Variants in NDST4 observed in about 807,000 individuals in gnomAD.
NDST4 encodes N-deacetylase and N-sulfotransferase 4.
Under a neutral mutation model 100.8 loss-of-function variants are expected in NDST4, and 63 were observed. That is an observed-to-expected ratio of 0.62 (90% CI 0.51 to 0.77). The LOEUF (loss-of-function observed/expected upper bound fraction) is 0.77. NDST4 is among the 30% of genes least tolerant of loss of function. NDST4 has a pLI of 0.00. For missense variants in NDST4, 943 were observed against 1,018.4 expected (o/e 0.93, Z 1.01); for synonymous variants, 377 against 361.8 (o/e 1.04, Z -0.48).
At chr4:114,844,348 T>A (rs949454555) in intron 10 of NDST4, among the ~76,000 whole-genome samples, 1 of 152,236 alleles carries the variant, frequency 6.6e-6, no homozygotes, top group South Asian at 2.1e-4. Flanking sequence ...GCTCAACAAA[T>A]GGCAGCAGCC....
chr4:114,908,547 G>GAGATA (rs1724999526), intron 6 of NDST4, among the ~76,000 whole-genome samples: 8 of 151,948 alleles, frequency 5.3e-5, no homozygotes, highest in African/African-American at 1.9e-4. Context: ...CCATTTTTAT[G>GAGATA]TGATATGATA....
At chr4:115,078,553 G>A (rs1195988762) in intron 1 of NDST4, among the ~76,000 whole-genome samples, 2 of 152,106 alleles carry the variant, frequency 1.3e-5, no homozygotes, top group Admixed American at 6.6e-5. Flanking sequence ...ACTTAAATGT[G>A]ATGATTTAGG....
intron 4 of NDST4, among the ~76,000 whole-genome samples, chr4:114,950,026 A>G (rs1478037559): frequency 6.6e-6 from 1 of 152,068 alleles, no homozygotes; most frequent in Non-Finnish European, 1.5e-5. Context: ...ATTATGATAT[A>G]TTAATTAGGA....
intron 6 of NDST4, among the ~76,000 whole-genome samples, chr4:114,930,613 A>C (rs2126223295): frequency 6.6e-6 from 1 of 152,266 alleles, no homozygotes; most frequent in Admixed American, 6.5e-5. Flanking sequence ...ACTTAGCTAT[A>C]GCTTTGTTGA....
chr4:114,856,081 T>C (rs1723787483), intron 7 of NDST4, among the ~76,000 whole-genome samples: 1 of 151,880 alleles, frequency 6.6e-6, no homozygotes, highest in South Asian at 2.1e-4. Context: ...TTTTTTTTTT[T>C]CAACACAGTC....
intron 6 of NDST4, among the ~76,000 whole-genome samples, chr4:114,913,065 T>G (rs1725095496): frequency 6.6e-6 from 1 of 152,070 alleles, no homozygotes; most frequent in African/African-American, 2.4e-5. Context: ...CATTGATAAA[T>G]TATTGAGCTC....
chr4:115,108,180 T>C (rs1729871438), intron 1 of NDST4, among the ~76,000 whole-genome samples: 2 of 152,090 alleles, frequency 1.3e-5, no homozygotes, highest in Non-Finnish European at 2.9e-5. Context: ...TTATATGCAT[T>C]CACAGGAGCA....
intron 6 of NDST4, among the ~76,000 whole-genome samples, chr4:114,892,830 T>C (rs922309692): frequency 6.6e-5 from 10 of 152,066 alleles, no homozygotes; most frequent in African/African-American, 2.4e-4. Flanking sequence ...ACATGCAATT[T>C]GTTACATTGG....
intron 6 of NDST4, among the ~76,000 whole-genome samples, chr4:114,923,225 A>G (rs75688861): frequency 1.3e-5 from 2 of 152,330 alleles, no homozygotes; most frequent in Non-Finnish European, 2.9e-5. Context: ...CCTCAAATAT[A>G]AAAATAGGAA....
chr4:114,925,027 G>A (rs2126220649), intron 6 of NDST4, among the ~76,000 whole-genome samples: 1 of 152,086 alleles, frequency 6.6e-6, no homozygotes, highest in East Asian at 1.9e-4. Flanking sequence ...AACACATGTA[G>A]AAAATCTCCT....
intron 8 of NDST4, among the ~76,000 whole-genome samples, chr4:114,850,410 T>A (rs945084259): frequency 6.6e-6 from 1 of 152,050 alleles, no homozygotes; most frequent in Non-Finnish European, 1.5e-5. Flanking sequence ...GAGCAAGCAC[T>A]CTCAACTAGA....
chr4:115,075,405 T>C (rs1222266583), intron 2 of NDST4, among the ~76,000 whole-genome samples: 4 of 152,294 alleles, frequency 2.6e-5, no homozygotes, highest in South Asian at 2.1e-4. Flanking sequence ...TATATGACTA[T>C]CTTGGTTTCA....
chr4:115,013,434 G>A (rs1377283352), intron 2 of NDST4, among the ~76,000 whole-genome samples: 1 of 143,816 alleles, frequency 7.0e-6, no homozygotes, highest in Non-Finnish European at 1.5e-5. Flanking sequence ...ATAACACACT[G>A]TTAATCTTTC....
intron 11 of NDST4, among the ~76,000 whole-genome samples, chr4:114,838,839 A>G (rs1408810181): frequency 6.7e-6 from 1 of 148,562 alleles, no homozygotes; most frequent in Non-Finnish European, 1.5e-5. Flanking sequence ...ACAAAAAAAA[A>G]TATATGGATG....
chr4:115,024,602 G>A (rs1727940443), intron 2 of NDST4, among the ~76,000 whole-genome samples: 1 of 152,096 alleles, frequency 6.6e-6, no homozygotes, highest in African/African-American at 2.4e-5. Flanking sequence ...AAAGCTGGAG[G>A]AAATTTGCCT....
chr4:114,828,714 G>T (rs1363329006), intron 13 of NDST4, among the ~76,000 whole-genome samples: 2 of 152,060 alleles, frequency 1.3e-5, no homozygotes, highest in African/African-American at 4.8e-5. Context: ...GATAAAATTG[G>T]AGACGAACAC....
At chr4:115,075,569 G>A (rs1363224129) in intron 2 of NDST4, among the ~76,000 whole-genome samples, 3 of 151,988 alleles carry the variant, frequency 2.0e-5, no homozygotes, top group African/African-American at 7.2e-5. Flanking sequence ...GGTGGATCAC[G>A]AGGTCAGGAG....
At chr4:114,896,581 G>A (rs1223589763) in intron 6 of NDST4, among the ~76,000 whole-genome samples, 3 of 147,750 alleles carry the variant, frequency 2.0e-5, no homozygotes, top group Admixed American at 6.8e-5. Context: ...CCAAGATTGC[G>A]CCACTGCACT....
At chr4:114,832,366 T>C (rs1342242868) in intron 12 of NDST4, among the ~76,000 whole-genome samples, 26 of 152,370 alleles carry the variant, frequency 1.7e-4, no homozygotes, top group Non-Finnish European at 7.3e-5. Context: ...CTGGTTCTAA[T>C]CTGCTGCGAA....
Sources: allele counts gnomAD v4.1 joint callset (sites outside exome capture counted in the v4.1 genomes callset), GRCh38; gene constraint gnomAD v4.1.1; transcripts MANE v1.5; gene names NCBI Gene and HGNC (gene_info 2026-07-23, HGNC 2026-07-21).